CPE: variants seen among roughly 807,000 people sequenced by gnomAD.
The protein encoded by CPE is carboxypeptidase E, also known as carbocypeptidase E.
Under a neutral mutation model 53.5 loss-of-function variants are expected in CPE, and 17 were observed. The ratio of observed to expected loss-of-function variants is 0.32; its 90% CI spans 0.22 to 0.48. CPE has a LOEUF of 0.48. Among genes scored for constraint, CPE ranks in the 20% least tolerant of loss-of-function variants. The probability of loss-of-function intolerance (pLI) is 0.99; values close to 1 mark genes in which losing one functional copy is unlikely to be tolerated. For missense variants in CPE, 524 were observed against 614.7 expected, an observed-to-expected ratio of 0.85 and a Z score of 1.56; for synonymous variants, 226 against 228.8, an observed-to-expected ratio of 0.99 and a Z score of 0.11.
At chr4:165,409,442 G>A (rs1038075028) in intron 1 of CPE, among the ~76,000 whole-genome samples, 1 of 152,128 alleles carries the variant, frequency 6.6e-6, no homozygotes. Context: ...GGCCTCAAGT[G>A]ATCCGCCCGC....
chr4:165,443,909 G>A (rs918788560), intron 1 of CPE, among the ~76,000 whole-genome samples: 4 of 152,140 alleles, frequency 2.6e-5, no homozygotes, highest in African/African-American at 9.7e-5. Context: ...TGAGACCCCA[G>A]AGAGTTGCCT....
At chr4:165,473,638 G>A (rs1032496769) in intron 3 of CPE, among the ~76,000 whole-genome samples, 1 of 152,224 alleles carries the variant, frequency 6.6e-6, no homozygotes, top group African/African-American at 2.4e-5. Flanking sequence ...AGGGAAAGAT[G>A]AATTTAGAGA....
At chr4:165,385,802 G>A (rs1404269458) in intron 1 of CPE, among the ~76,000 whole-genome samples, 2 of 151,978 alleles carry the variant, frequency 1.3e-5, no homozygotes, top group South Asian at 2.1e-4. Context: ...ATAAATCTAC[G>A]GCAATATCAA....
intron 1 of CPE, among the ~76,000 whole-genome samples, chr4:165,390,927 C>T (rs1191667669): frequency 6.6e-6 from 1 of 152,048 alleles, no homozygotes; most frequent in African/African-American, 2.4e-5. Context: ...TTTTGAGATC[C>T]TTTTCTATTG....
intron 1 of CPE, among the ~76,000 whole-genome samples, chr4:165,408,250 A>G (rs1366852270): frequency 6.6e-6 from 1 of 152,222 alleles, no homozygotes; most frequent in Non-Finnish European, 1.5e-5. Context: ...AAGGTCACAA[A>G]GATTTACACC....
chr4:165,453,476 C>G (rs1046469114), intron 1 of CPE, among the ~76,000 whole-genome samples: 4 of 151,368 alleles, frequency 2.6e-5, no homozygotes, highest in African/African-American at 7.3e-5. Flanking sequence ...TCTCAACCTC[C>G]CAGGCTCAGG....
chr4:165,453,754 G>A (rs1334917934), intron 1 of CPE, among the ~76,000 whole-genome samples: 2 of 152,124 alleles, frequency 1.3e-5, no homozygotes, highest in Non-Finnish European at 2.9e-5. Flanking sequence ...ATGATCTCCT[G>A]GAGGGAGACC....
At chr4:165,421,564 C>T (rs560267070) in intron 1 of CPE, among the ~76,000 whole-genome samples, 1 of 152,336 alleles carries the variant, frequency 6.6e-6, no homozygotes, top group South Asian at 2.1e-4. Flanking sequence ...CTGCATCCTT[C>T]TTGTTCTTAC....
At chr4:165,395,991 C>G (rs1257854714) in intron 1 of CPE, among the ~76,000 whole-genome samples, 1 of 152,134 alleles carries the variant, frequency 6.6e-6, no homozygotes, top group Non-Finnish European at 1.5e-5. Context: ...CAACTTTTTT[C>G]TCTCACAAAA....
chr4:165,463,564 G>A (rs1006928273), intron 1 of CPE, among the ~76,000 whole-genome samples: 9 of 151,870 alleles, frequency 5.9e-5, no homozygotes, highest in Non-Finnish European at 1.3e-4. Context: ...CTATGATTTA[G>A]GAATAAAAAC....
At chr4:165,420,292 T>C (rs986019818) in intron 1 of CPE, among the ~76,000 whole-genome samples, 3 of 152,168 alleles carry the variant, frequency 2.0e-5, no homozygotes, top group Admixed American at 2.0e-4. Context: ...AACTTTTGTT[T>C]CTCAGAAAAT....
At chr4:165,436,742 G>T (rs1425133483) in intron 1 of CPE, among the ~76,000 whole-genome samples, 1 of 152,134 alleles carries the variant, frequency 6.6e-6, no homozygotes, top group Non-Finnish European at 1.5e-5. Context: ...GGGCTCAAGT[G>T]ATCCTCCTGC....
chr4:165,471,512 G>A (rs1732206336), intron 3 of CPE, among the ~76,000 whole-genome samples: 1 of 152,148 alleles, frequency 6.6e-6, no homozygotes. Flanking sequence ...TACTTGGCCT[G>A]GTTATTTGCA....
chr4:165,436,872 G>A (rs1286258869), intron 1 of CPE, among the ~76,000 whole-genome samples: 3 of 152,146 alleles, frequency 2.0e-5, no homozygotes, highest in African/African-American at 7.2e-5. Context: ...AAGAGGAAAA[G>A]CTTCTACTTT....
intron 1 of CPE, among the ~76,000 whole-genome samples, chr4:165,425,659 CAAAAAA>C (rs35754302): frequency 0.31 from 44,812 of 146,498 alleles, 6,724 homozygotes; most frequent in Middle Eastern, 0.42. Context: ...AATATTTCCT[CAAAAAA>C]AAAAAAACAC....
intron 1 of CPE, among the ~76,000 whole-genome samples, chr4:165,393,749 T>A (rs963018886): frequency 6.6e-6 from 1 of 152,190 alleles, no homozygotes; most frequent in Non-Finnish European, 1.5e-5. Flanking sequence ...AACTTATCAG[T>A]TATGTTTTCA....
In CPE at chr4:165,444,067, C is replaced by T. The variant is rs545624746; in HGVS notation, c.308-20323C>T. On this transcript the variant is annotated intron_variant, in intron 1 of 8. Transcript: ENST00000402744. ...ATTCATTTCTCTTATTTATCAGTTA[C>T]GCAGTTTATGGTGTTTGTTGTAACA... is the stretch of plus-strand genomic sequence containing the variant. Among the ~76,000 whole-genome samples the T allele has an allele frequency of 5.1e-3, 773 of 152,226 alleles. 9 individuals carry two copies. Among genetic ancestry groups the T allele is most frequent in the African/African-American group, 0.017 (721 of 41,520 alleles).
chr4:165,472,552 A>T (rs1732227195), intron 3 of CPE, among the ~76,000 whole-genome samples: 1 of 152,252 alleles, frequency 6.6e-6, no homozygotes, highest in Non-Finnish European at 1.5e-5. Flanking sequence ...TAACACATTT[A>T]TGAAGAGTAG....
intron 1 of CPE, among the ~76,000 whole-genome samples, chr4:165,391,863 G>A (rs983926237): frequency 6.6e-6 from 1 of 151,982 alleles, no homozygotes; most frequent in Admixed American, 6.6e-5. Context: ...ACAGTGGAGG[G>A]CTTTCAGAAG....
Sources: gnomAD v4.1 joint callset for allele counts (sites outside exome capture counted in the v4.1 genomes callset) on GRCh38, gnomAD v4.1.1 for gene constraint, MANE v1.5 for transcripts, NCBI Gene and HGNC (gene_info 2026-07-23, HGNC 2026-07-21) for gene names.